Variants in SDK2 observed in about 807,000 individuals in gnomAD.
SDK2 encodes the protein protein sidekick-2.
Under a neutral mutation model 253.9 loss-of-function variants are expected in SDK2, and 105 were observed. That is an observed-to-expected ratio of 0.41 (90% CI 0.35 to 0.49). The LOEUF is 0.49. SDK2 is among the 20% of genes least tolerant of loss of function. The probability of loss-of-function intolerance (pLI) is 0.06; values close to 1 mark genes in which losing one functional copy is unlikely to be tolerated. For synonymous variants in SDK2, 1,249 were observed against 1,234.9 expected, an observed-to-expected ratio of 1.01 and a Z score of -0.24; for missense variants, 2,608 against 3,003.0, an observed-to-expected ratio of 0.87 and a Z score of 3.07.
At chr17:73,428,617 C>G (rs973829919) in intron 12 of SDK2, among the ~76,000 whole-genome samples, 1 of 152,180 alleles carries the variant, frequency 6.6e-6, no homozygotes, top group African/African-American at 2.4e-5. Flanking sequence ...CTTAGGGAAC[C>G]CTGCTGTGTT....
At chr17:73,350,524 GC>G in intron 42 of SDK2, 125 bp downstream of exon 42, 2 of 1,401,178 alleles carry the variant, frequency 1.4e-6, no homozygotes, top group Non-Finnish European at 9.6e-7. Context: ...ACCCTAGGCT[GC>G]CCCACCCACC....
chr17:73,466,723 CCCCCG>C (rs2063601338), intron 3 of SDK2, among the ~76,000 whole-genome samples: 1 of 146,790 alleles, frequency 6.8e-6, no homozygotes, highest in African/African-American at 2.5e-5. Flanking sequence ...ACGCCCCCCC[CCCCCG>C]GCTTAGGCTC....
In SDK2 at chr17:73,500,417, A is replaced by G. The variant is rs371987839; in HGVS notation, c.224+7021T>C. 1.6e-4 allele frequency among the ~76,000 whole-genome samples: 18 copies of G among 114,046 alleles called. No homozygotes were observed. The East Asian group carries it at 4.6e-3, about 29-fold the overall frequency. 74.8% of individuals were successfully genotyped at this position (114,046 alleles called of 152,430 possible). On this transcript the variant is annotated intron_variant, in intron 2 of 44. Transcript: ENST00000392650. ...TCCATCCTTTGTCCATCCTCCTTCC[A>G]TTATCCATCATCCTCCATCCATCCT...
chr17:73,338,306 G>A lies in SDK2; in HGVS notation c.*281C>T, dbSNP rs1395220356. The A allele has an allele frequency of 3.4e-6, 2 of 591,482 alleles. No homozygotes were observed. Among genetic ancestry groups the A allele is most frequent in the Non-Finnish European group, 3.2e-6 (1 of 314,746 alleles). 36.6% of individuals were successfully genotyped at this position (591,482 alleles called of 1,614,324 possible). ...ATGCCCGCCCCACTCCGTGTCCATAGCAGTGACACAGCCACTTCCCCAGCT... is the reference window on the plus strand; with the variant it reads ...ATGCCCGCCCCACTCCGTGTCCATAACAGTGACACAGCCACTTCCCCAGCT... On this transcript the variant is annotated 3_prime_UTR_variant, in exon 45 of 45. Coordinates refer to ENST00000392650, the MANE Select transcript of SDK2 (RefSeq NM_001144952.2). The surrounding 1 kb of genome is among the most constrained non-coding windows in gnomAD (Gnocchi z 5.0).
intron 44 of SDK2, among the ~76,000 whole-genome samples, chr17:73,341,033 C>T (rs533131230): frequency 8.2e-5 from 11 of 134,576 alleles, no homozygotes; most frequent in South Asian, 2.7e-4. Context: ...CGTGAGCCAC[C>T]GCGGCTGGTC....
chr17:73,569,943 C>G (rs945188436), intron 1 of SDK2, among the ~76,000 whole-genome samples: 21 of 152,232 alleles, frequency 1.4e-4, no homozygotes, highest in Non-Finnish European at 2.6e-4. Context: ...GGCCGAGGAG[C>G]CTCTCTGCAG....
intron 1 of SDK2, among the ~76,000 whole-genome samples, chr17:73,560,837 C>T (rs190124213): frequency 1.2e-4 from 19 of 152,320 alleles, no homozygotes; most frequent in African/African-American, 3.4e-4. Flanking sequence ...CACCCCCTCC[C>T]GATCCTGATT....
intron 17 of SDK2, among the ~76,000 whole-genome samples, chr17:73,415,005 A>G (rs148409508): frequency 6.6e-6 from 1 of 152,320 alleles, no homozygotes; most frequent in Non-Finnish European, 1.5e-5. Flanking sequence ...GTGCGGATGA[A>G]AAATGCTCTG....
At chr17:73,486,620 A>AG (rs2063771238) in intron 2 of SDK2, among the ~76,000 whole-genome samples, 1 of 151,150 alleles carries the variant, frequency 6.6e-6, no homozygotes, top group African/African-American at 2.4e-5. Context: ...TAAAAAAAAA[A>AG]AAAAAAAAAA....
intron 12 of SDK2, 24 bp from the exon 13 acceptor site, chr17:73,424,116 G>A (rs1446113666): frequency 5.0e-6 from 8 of 1,594,648 alleles, no homozygotes; most frequent in Non-Finnish European, 6.0e-6. Flanking sequence ...GAACCCGTAA[G>A]TACAGAGGGA....
chr17:73,392,214 G>A (rs1292104428), intron 27 of SDK2, among the ~76,000 whole-genome samples: 1 of 4,936 alleles, frequency 2.0e-4, no homozygotes, highest in Non-Finnish European at 4.8e-4. Flanking sequence ...AGCTGGGGAG[G>A]GGCACTCTTC....
Position 73,350,254 on chromosome 17 carries a change from C to T in SDK2, c.6021G>A (p.Lys2007=), listed in dbSNP as rs777149158. 8 of 1,351,328 alleles carry T rather than the reference C, an allele frequency of 5.9e-6. No homozygotes were observed. In the East Asian group the frequency reaches 2.3e-4, roughly 39 times the overall value. The allele number at this position is 1,351,328 out of a possible 1,614,324, so 83.7% of individuals were successfully genotyped here. Residue 2007 remains lysine (K), a synonymous_variant, in exon 43 of 45, where the codon AAG becomes AAA. Transcript: ENST00000392650. The part of the protein sequence containing the change: ...RLSVKNSFCR[K]NGLYTRSPPR... ...CCCAGTACCTGGTGTACAGGCCGTT[C>T]TTTCGGCAGAAAGAGTTCTTGACGG... is the stretch of plus-strand genomic sequence containing the variant.
chr17:73,369,976 T>G (rs2062721145), intron 36 of SDK2, among the ~76,000 whole-genome samples: 1 of 152,040 alleles, frequency 6.6e-6, no homozygotes, highest in Non-Finnish European at 1.5e-5. Context: ...GTAGCACAGG[T>G]TAACACTTCT....
chr17:73,644,171 G>T lies in SDK2; in HGVS notation c.-83C>A. 8.5e-7 allele frequency: 1 copy of T among 1,181,410 alleles called. No individual in the cohort carries two copies. The highest frequency in any genetic ancestry group is 1.2e-6 in the Non-Finnish European group (1 of 814,844). 73.2% of individuals were successfully genotyped at this position (1,181,410 alleles called of 1,614,324 possible). A position where few individuals can be genotyped will look rare whatever the true frequency, so the allele number is the denominator to read the frequency against. On this transcript the variant is annotated 5_prime_UTR_variant, in exon 1 of 45. Transcript: ENST00000392650. The surrounding 1 kb of genome is among the most constrained non-coding windows in gnomAD (Gnocchi z 6.3). ...ATCCTGGTGGGGTCCGATACCCCGT[G>T]GCTTAGTCCCAGGAAACAGTCAGTC... is the stretch of plus-strand genomic sequence containing the variant.
At chr17:73,439,862 G>A (rs531814447) in intron 6 of SDK2, among the ~76,000 whole-genome samples, 2 of 152,298 alleles carry the variant, frequency 1.3e-5, no homozygotes, top group South Asian at 4.2e-4. Context: ...GTGACGTTGG[G>A]CAGGCCACTT....
chr17:73,536,798 T>G (rs954861458), intron 1 of SDK2, among the ~76,000 whole-genome samples: 4 of 152,118 alleles, frequency 2.6e-5, no homozygotes, highest in Non-Finnish European at 5.9e-5. Context: ...GCTATAAAAG[T>G]GGTTCCAGAG....
chr17:73,365,004 G>A (rs571810776), intron 38 of SDK2, among the ~76,000 whole-genome samples: 1 of 152,264 alleles, frequency 6.6e-6, no homozygotes, highest in African/African-American at 2.4e-5. Flanking sequence ...TGACCAAAGG[G>A]GGAAGAATAT....
At chr17:73,485,209 G>A (rs1273509128) in intron 2 of SDK2, among the ~76,000 whole-genome samples, 2 of 152,126 alleles carry the variant, frequency 1.3e-5, no homozygotes, top group Non-Finnish European at 2.9e-5. Context: ...GGAGAGGTGG[G>A]AGCTGGGCCT....
At chr17:73,368,764 CT>C (rs2062708613) in intron 36 of SDK2, among the ~76,000 whole-genome samples, 171 bp from the exon 37 acceptor site, 1 of 152,142 alleles carries the variant, frequency 6.6e-6, no homozygotes, top group African/African-American at 2.4e-5. Flanking sequence ...AATCCCAGCA[CT>C]TTGGGAGGCA....
Sources: gnomAD v4.1 joint callset for allele counts (sites outside exome capture counted in the v4.1 genomes callset) on GRCh38, gnomAD v4.1.1 for gene constraint, Gnocchi (gnomAD v3.1) non-coding constraint, MANE v1.5 for transcripts, NCBI Gene and HGNC (gene_info 2026-07-23, HGNC 2026-07-21) for gene names.